Variants in HDAC4 observed in about 807,000 individuals in gnomAD.
HDAC4 encodes histone deacetylase A.
A neutral mutation model predicts 135.1 loss-of-function variants in HDAC4; 16 were observed. The observed-to-expected ratio is 0.12, with a 90% CI of 0.08 to 0.18. The LOEUF (loss-of-function observed/expected upper bound fraction) is 0.18, where lower values mean the gene tolerates loss of function less well. HDAC4 is among the 10% of genes least tolerant of loss of function. The pLI, the probability that HDAC4 is intolerant of heterozygous loss-of-function variation, is 1.00. For missense variants in HDAC4, 1,143 were observed against 1,511.8 expected, an observed-to-expected ratio of 0.76 and a Z score of 4.05; for synonymous variants, 685 against 653.4, an observed-to-expected ratio of 1.05 and a Z score of -0.74.
intron 2 of HDAC4, among the ~76,000 whole-genome samples, chr2:239,279,588 G>A (rs1226822888): frequency 6.6e-6 from 1 of 152,214 alleles, no homozygotes; most frequent in Non-Finnish European, 1.5e-5. Context: ...GGCAGGGGTG[G>A]GAGCAGCCCA....
rs372038196 is a variant in HDAC4, at chr2:239,199,318, C to T, written c.95-9241G>A. On this transcript the variant is annotated intron_variant, in intron 3 of 26. Coordinates refer to ENST00000543185, the MANE Select transcript of HDAC4 (RefSeq NM_001378414.1). ...CTCTCTGGGTGGCTTTTTTGTGTTG[C>T]GAAGGCTCAAAATGATCACTGACTA... Among the ~76,000 whole-genome samples the T allele has an allele frequency of 7.9e-5, 12 of 152,030 alleles. No individual in the cohort carries two copies. In the East Asian group the frequency reaches 1.7e-3, roughly 22 times the overall value.
At chr2:239,355,184 A>C (rs546049009) in intron 1 of HDAC4, among the ~76,000 whole-genome samples, 1 of 152,340 alleles carries the variant, frequency 6.6e-6, no homozygotes, top group African/African-American at 2.4e-5. Flanking sequence ...CTCTTTCAAC[A>C]AATATAGGTC....
Position 239,231,586 on chromosome 2 carries a change from A to T in HDAC4, c.94+5007T>A, listed in dbSNP as rs555118185. 3.3e-5 allele frequency among the ~76,000 whole-genome samples: 5 copies of T among 152,254 alleles called. 1 individual carries two copies. In the South Asian group the frequency reaches 1.0e-3, roughly 32 times the overall value. On this transcript the variant is annotated intron_variant, in intron 3 of 26. Transcript: ENST00000543185. ...TCATCCACACTTCCTGTTGCTACTGACTTTTTTTGTTTGCCTCCGGTTTGC... is the reference window on the plus strand; with the variant it reads ...TCATCCACACTTCCTGTTGCTACTGTCTTTTTTTGTTTGCCTCCGGTTTGC...
intron 24 of HDAC4, chr2:239,055,071 C>T (rs771625797): frequency 2.2e-6 from 1 of 445,662 alleles, no homozygotes; most frequent in Non-Finnish European, 4.2e-6. Context: ...CTACAAGTAG[C>T]AGGAAGAAAG....
intron 12 of HDAC4, among the ~76,000 whole-genome samples, chr2:239,116,941 C>A (rs2039190773): frequency 6.6e-6 from 1 of 152,226 alleles, no homozygotes; most frequent in African/African-American, 2.4e-5. Context: ...ACCCCCCGAC[C>A]CCAGTCCTCT....
intron 2 of HDAC4, among the ~76,000 whole-genome samples, chr2:239,291,566 C>T (rs377098153): frequency 2.8e-4 from 43 of 152,318 alleles, no homozygotes; most frequent in African/African-American, 2.4e-5. Flanking sequence ...GGTGTCAATG[C>T]GCAGCAACCC....
chr2:239,140,284 A>C (rs1303285636), intron 8 of HDAC4, among the ~76,000 whole-genome samples: 1 of 152,210 alleles, frequency 6.6e-6, no homozygotes, highest in African/African-American at 2.4e-5. Flanking sequence ...AAATATAGCC[A>C]GTGTCTCCTG....
chr2:239,386,508 G>A (rs1314319617), intron 1 of HDAC4, among the ~76,000 whole-genome samples: 6 of 152,178 alleles, frequency 3.9e-5, no homozygotes, highest in African/African-American at 1.2e-4. Context: ...GGGAGGGTGC[G>A]AGGCCTCTGG....
chr2:239,063,825 C>T lies in HDAC4; in HGVS notation c.3003+2897G>A, dbSNP rs190290953. Among the ~76,000 whole-genome samples, 430 of 152,360 alleles carry T rather than the reference C, an allele frequency of 2.8e-3. 5 individuals carry two copies. Among genetic ancestry groups the T allele is most frequent in the African/African-American group, 9.9e-3 (413 of 41,590 alleles). ...CGAACCTCCCTCCTGTCTGGGAGAC[C>T]ACTGGCCAGTGCCCACTTCCCTGAC... is the stretch of plus-strand genomic sequence containing the variant. On this transcript the variant is annotated intron_variant, in intron 24 of 26. Coordinates refer to ENST00000543185, the MANE Select transcript of HDAC4 (RefSeq NM_001378414.1).
intron 15 of HDAC4, among the ~76,000 whole-genome samples, chr2:239,105,982 G>A (rs910401482): frequency 1.3e-5 from 2 of 152,188 alleles, no homozygotes; most frequent in African/African-American, 4.8e-5. Context: ...AGGCACTGCT[G>A]TCCAGGGAGT....
At chr2:239,327,614 C>T (rs1322709249) in intron 2 of HDAC4, among the ~76,000 whole-genome samples, 5 of 152,218 alleles carry the variant, frequency 3.3e-5, no homozygotes, top group Non-Finnish European at 7.3e-5. Flanking sequence ...TGAAATCAGA[C>T]GCTAGCCCCC....
In HDAC4 at chr2:239,221,609, GACACACACACACACACACAC is replaced by G. The variant is rs3838519; in HGVS notation, c.94+14964_94+14983del. Among the ~76,000 whole-genome samples, 818 of 149,092 alleles carry G rather than the reference GACACACACACACACACACAC, an allele frequency of 5.5e-3. 2 individuals carry two copies. The highest frequency in any genetic ancestry group is 0.014 in the African/African-American group (552 of 40,370). On this transcript the variant is annotated intron_variant, in intron 3 of 26. Transcript: ENST00000543185. ...GCGCCTCAAAGTGCGCTGAGAGTGGGACACACACACACACACACACACACACACACACACACACACACAGC... is the reference window on the plus strand; with the variant it reads ...GCGCCTCAAAGTGCGCTGAGAGTGGGACACACACACACACACACACACAGC...
rs1450352131 is a variant in HDAC4 at position 239,306,979 on chromosome 2, G to A, written c.22+45699C>T. 6.6e-6 allele frequency among the ~76,000 whole-genome samples: 1 copy of A among 152,072 alleles called. No individual in the cohort carries two copies. The highest frequency in any genetic ancestry group is 2.4e-5 in the African/African-American group (1 of 41,408). Reference sequence around the variant, plus strand: ...GCCCAGGGTAACCCAGAAGCAGCAGGAGCCGCAGGACCATAGGGGCCACCG... The same window carrying A: ...GCCCAGGGTAACCCAGAAGCAGCAGAAGCCGCAGGACCATAGGGGCCACCG... On this transcript the variant is annotated intron_variant, in intron 2 of 26. Coordinates refer to ENST00000543185, the MANE Select transcript of HDAC4 (RefSeq NM_001378414.1). This position sits in a 1 kb window ranked among gnomAD's most constrained non-coding sequence, Gnocchi z 4.5.
At chr2:239,100,714 A>G (rs1298428542) in intron 16 of HDAC4, among the ~76,000 whole-genome samples, 3 of 152,152 alleles carry the variant, frequency 2.0e-5, no homozygotes, top group African/African-American at 7.2e-5. Flanking sequence ...GGAACCCCTG[A>G]TGTCAGCTTC....
Position 239,285,003 on chromosome 2 carries a change from G to T in HDAC4, c.23-48339C>A, listed in dbSNP as rs754300857. On this transcript the variant is annotated intron_variant, in intron 2 of 26. Coordinates refer to ENST00000543185, the MANE Select transcript of HDAC4 (RefSeq NM_001378414.1). This position sits in a 1 kb window ranked among gnomAD's most constrained non-coding sequence, Gnocchi z 4.5. Reference sequence around the variant, plus strand: ...AATGAAAGGAGAGATGGGATCAAAAGCATGAAGGAAGCCCAGAGACAAGTC... The same window carrying T: ...AATGAAAGGAGAGATGGGATCAAAATCATGAAGGAAGCCCAGAGACAAGTC... Among the ~76,000 whole-genome samples, 4 of 152,196 alleles carry T rather than the reference G, an allele frequency of 2.6e-5. No individual in the cohort carries two copies. The highest frequency in any genetic ancestry group is 2.0e-4 in the Admixed American group (3 of 15,280).
chr2:239,090,288 C>T (rs751867955), intron 17 of HDAC4, among the ~76,000 whole-genome samples, 172 bp from the exon 18 acceptor site: 26 of 152,138 alleles, frequency 1.7e-4, no homozygotes, highest in Non-Finnish European at 3.1e-4. Flanking sequence ...TAAGACATGC[C>T]AAAAAGTTTA....
intron 2 of HDAC4, among the ~76,000 whole-genome samples, chr2:239,244,683 C>T (rs1339343163): frequency 6.6e-6 from 1 of 152,154 alleles, no homozygotes; most frequent in Admixed American, 6.5e-5. Flanking sequence ...TAGGTCCTTC[C>T]CCTGACCTGA....
chr2:239,183,082 T>G (rs548891808), intron 4 of HDAC4, among the ~76,000 whole-genome samples: 1 of 152,224 alleles, frequency 6.6e-6, no homozygotes, highest in Non-Finnish European at 1.5e-5. Flanking sequence ...AGACTGAAAC[T>G]ATAATGAGCA....
At chr2:239,368,041 T>C (rs1330527750) in intron 1 of HDAC4, among the ~76,000 whole-genome samples, 1 of 152,110 alleles carries the variant, frequency 6.6e-6, no homozygotes, top group African/African-American at 2.4e-5. Flanking sequence ...CCCCAAGATA[T>C]CTCATTATGT....
Sources: allele counts gnomAD v4.1 joint callset (sites outside exome capture counted in the v4.1 genomes callset), GRCh38; gene constraint gnomAD v4.1.1; non-coding constraint Gnocchi (gnomAD v3.1); transcripts MANE v1.5; gene names NCBI Gene and HGNC (gene_info 2026-07-23, HGNC 2026-07-21).